The following PARM1 variants were observed in gnomAD, a reference collection of about 807,000 sequenced individuals.
PARM1 encodes WSC4, cell wall integrity and stress response component 4 homolog.
In PARM1, 14 loss-of-function variants were observed where a neutral mutation model predicts 24.6. The ratio of observed to expected loss-of-function variants is 0.57; its 90% CI spans 0.38 to 0.89. PARM1 has a LOEUF of 0.89. PARM1 is among the 40% of genes least tolerant of loss of function. PARM1 has a pLI of 0.00. For missense variants in PARM1, 362 were observed against 380.4 expected (o/e 0.95, Z 0.40); for synonymous variants, 179 against 156.6 (o/e 1.14, Z -1.07).
In PARM1 at chr4:75,013,170, A is replaced by G; in HGVS notation, c.769+20A>G. On this transcript the variant is annotated intron_variant, in intron 2 of 3. Transcript: ENST00000307428. ...GTTCAGGTGAGTCTCTATCCAGTCCACTAGTTTTCTTTACTACACCCTCAC... is the reference window on the plus strand; with the variant it reads ...GTTCAGGTGAGTCTCTATCCAGTCCGCTAGTTTTCTTTACTACACCCTCAC... 6.3e-7 allele frequency: 1 copy of G among 1,588,830 alleles called. No homozygotes were observed.
intron 1 of PARM1, chr4:74,969,779 G>A (rs1402475959): frequency 6.6e-6 from 1 of 152,196 alleles, no homozygotes; most frequent in African/African-American, 2.4e-5. Context: ...CTTCTCTTCT[G>A]GGTGCTCTCA....
rs1160619069 is a variant in PARM1, at chr4:75,046,318, A to T, written c.*71A>T. ...AAGTGCTTATCCAGTAGAATTAATAAGTACCTGATGCGCATTGAACGACAA... is the reference window on the plus strand; with the variant it reads ...AAGTGCTTATCCAGTAGAATTAATATGTACCTGATGCGCATTGAACGACAA... On this transcript the variant is annotated 3_prime_UTR_variant, in exon 4 of 4. Transcript: ENST00000307428. The T allele has an allele frequency of 3.7e-5, 37 of 1,009,872 alleles. No individual in the cohort carries two copies. 62.6% of individuals were successfully genotyped at this position (1,009,872 alleles called of 1,614,324 possible).
At chr4:74,989,131 T>G (rs1356793662) in intron 1 of PARM1, among the ~76,000 whole-genome samples, 1 of 152,106 alleles carries the variant, frequency 6.6e-6, no homozygotes. Context: ...TGTGGGGATT[T>G]CTCCCCATTA....
At chr4:75,041,655 A>G (rs1723487769) in intron 3 of PARM1, among the ~76,000 whole-genome samples, 1 of 152,212 alleles carries the variant, frequency 6.6e-6, no homozygotes, top group African/African-American at 2.4e-5. Flanking sequence ...TTATCTTTAA[A>G]TAGGTACCAT....
At position 75,048,378 on chromosome 4, in the gene PARM1, G is replaced by A. The variant is rs1324619914; in HGVS notation, c.*2131G>A. The A allele has an allele frequency of 6.6e-6, 1 of 152,206 alleles. No homozygotes were observed. The highest frequency in any genetic ancestry group is 2.4e-5 in the African/African-American group (1 of 41,446). The allele number at this position is 152,206 out of a possible 1,614,324, so 9.4% of individuals were successfully genotyped here. On this transcript the variant is annotated 3_prime_UTR_variant, in exon 4 of 4. Coordinates refer to ENST00000307428, the MANE Select transcript of PARM1 (RefSeq NM_015393.4). ...AAAAGTGGACCTTCTCAGAAAAAAA[G>A]GGCAGCAAATGACCAAGGGCGCCCC...
chr4:74,948,139 C>T (rs1015374159), intron 1 of PARM1, among the ~76,000 whole-genome samples: 2 of 152,182 alleles, frequency 1.3e-5, no homozygotes, highest in Non-Finnish European at 2.9e-5. Context: ...CTTCACATGT[C>T]AGCCCTACTA....
chr4:74,978,218 G>T (rs1722174372), intron 1 of PARM1, among the ~76,000 whole-genome samples: 1 of 152,156 alleles, frequency 6.6e-6, no homozygotes, highest in South Asian at 2.1e-4. Flanking sequence ...GTATTCAAGA[G>T]ACCCATCTCA....
rs1330848261 is a variant in PARM1 at position 75,050,023 on chromosome 4, C to T, written c.*3776C>T. ...TTAAAGATGGAAAGGTGGGAAAATTCTTTGATATTTGATGTCATTGTATCC... is the reference window on the plus strand; with the variant it reads ...TTAAAGATGGAAAGGTGGGAAAATTTTTTGATATTTGATGTCATTGTATCC... On this transcript the variant is annotated 3_prime_UTR_variant, in exon 4 of 4. Coordinates refer to ENST00000307428, the MANE Select transcript of PARM1 (RefSeq NM_015393.4). 1 of 152,412 alleles carries T rather than the reference C, an allele frequency of 6.6e-6. No homozygotes were observed. Among genetic ancestry groups the T allele is most frequent in the Non-Finnish European group, 1.5e-5 (1 of 67,998 alleles). The allele number at this position is 152,412 out of a possible 1,614,324, so 9.4% of individuals were successfully genotyped here. A position where few individuals can be genotyped will look rare whatever the true frequency, so the allele number is the denominator to read the frequency against.
chr4:75,014,249 C>T (rs140170710), intron 2 of PARM1, among the ~76,000 whole-genome samples: 2 of 152,264 alleles, frequency 1.3e-5, no homozygotes, highest in East Asian at 1.9e-4. Context: ...TTAATGAAGA[C>T]GTGATTCCTC....
chr4:74,976,619 G>C (rs1722141438), intron 1 of PARM1, among the ~76,000 whole-genome samples: 1 of 152,212 alleles, frequency 6.6e-6, no homozygotes, highest in South Asian at 2.1e-4. Context: ...ACATTAAGTG[G>C]GTCACTGATC....
intron 1 of PARM1, among the ~76,000 whole-genome samples, chr4:74,974,160 G>A (rs1722097029): frequency 6.6e-6 from 1 of 152,200 alleles, no homozygotes; most frequent in Non-Finnish European, 1.5e-5. Context: ...TGTGTGCTCT[G>A]TTCAGGCTCG....
At chr4:74,938,064 T>C (rs898888898) in intron 1 of PARM1, among the ~76,000 whole-genome samples, 2 of 152,180 alleles carry the variant, frequency 1.3e-5, no homozygotes, top group Non-Finnish European at 2.9e-5. Flanking sequence ...ATAATTCAGA[T>C]TAATAACTTA....
chr4:74,989,466 A>G (rs752144954), intron 1 of PARM1, among the ~76,000 whole-genome samples: 3 of 152,212 alleles, frequency 2.0e-5, no homozygotes, highest in African/African-American at 4.8e-5. Flanking sequence ...AAAGAGACGA[A>G]TAGGGCAAGG....
chr4:74,948,692 G>A (rs183138404), intron 1 of PARM1, among the ~76,000 whole-genome samples: 69 of 152,250 alleles, frequency 4.5e-4, no homozygotes, highest in African/African-American at 1.6e-3. Flanking sequence ...CCAGTTGGCC[G>A]GTTTCCTGTG....
At chr4:75,020,009 C>CAAAAAAAAAAAAAAAA (rs1161399344) in intron 2 of PARM1, among the ~76,000 whole-genome samples, 1 of 31,046 alleles carries the variant, frequency 3.2e-5, no homozygotes, top group Non-Finnish European at 1.1e-4. Context: ...GACTCCGTCT[C>CAAAAAAAAAAAAAAAA]AAAAAAAAAA....
At chr4:74,972,826 G>T (rs1722064379) in intron 1 of PARM1, among the ~76,000 whole-genome samples, 1 of 152,164 alleles carries the variant, frequency 6.6e-6, no homozygotes, top group African/African-American at 2.4e-5. Flanking sequence ...ATGCCTCAAT[G>T]TGTCCAGGCA....
intron 1 of PARM1, among the ~76,000 whole-genome samples, chr4:74,977,139 A>T (rs1722153278): frequency 6.6e-6 from 1 of 152,238 alleles, no homozygotes; most frequent in African/African-American, 2.4e-5. Flanking sequence ...AGGCTTCAGA[A>T]GGTGGGTAAT....
intron 3 of PARM1, among the ~76,000 whole-genome samples, chr4:75,044,388 C>T (rs1431865377): frequency 6.6e-6 from 1 of 152,190 alleles, no homozygotes; most frequent in African/African-American, 2.4e-5. Context: ...TTCCAGGGAG[C>T]TCCCGTCTTA....
chr4:74,970,974 A>G (rs1281443770), intron 1 of PARM1, among the ~76,000 whole-genome samples: 1 of 152,188 alleles, frequency 6.6e-6, no homozygotes, highest in Non-Finnish European at 1.5e-5. Context: ...TCTCATTGGA[A>G]ATGAAGCTGC....
Sources: gnomAD v4.1 joint callset for allele counts (sites outside exome capture counted in the v4.1 genomes callset) on GRCh38, gnomAD v4.1.1 for gene constraint, MANE v1.5 for transcripts, NCBI Gene and HGNC (gene_info 2026-07-23, HGNC 2026-07-21) for gene names.